The following ARL13A variants were observed in gnomAD, a reference collection of about 807,000 sequenced individuals.
ARL13A encodes ARF like GTPase 13A.
Under a neutral mutation model 19.1 loss-of-function variants are expected in ARL13A, and 16 were observed. The ratio of observed to expected loss-of-function variants is 0.84; its 90% CI spans 0.57 to 1.27. The LOEUF is 1.27. ARL13A is among the 50% of genes most tolerant of loss of function. ARL13A has a pLI of 0.00. For synonymous variants in ARL13A, 69 were observed against 71.3 expected (o/e 0.97, Z 0.17); for missense variants, 153 against 186.4 (o/e 0.82, Z 1.04).
At chrX:100,983,900 T>G in intron 3 of ARL13A, among the ~76,000 whole-genome samples, 2 of 111,464 alleles carry the variant, frequency 1.8e-5, no homozygotes, top group Middle Eastern at 4.7e-3. Flanking sequence ...ATGACTCATT[T>G]TAGCAATGCT....
intron 3 of ARL13A, among the ~76,000 whole-genome samples, chrX:100,979,440 A>G (rs1488748903): frequency 8.9e-6 from 1 of 112,038 alleles, no homozygotes; most frequent in Non-Finnish European, 1.9e-5. Flanking sequence ...ATATACTTTA[A>G]GTATATCATG....
At chrX:100,986,499 T>C (rs952908392) in intron 4 of ARL13A, among the ~76,000 whole-genome samples, 7 of 112,081 alleles carry the variant, frequency 6.2e-5, no homozygotes, top group Non-Finnish European at 1.1e-4. Flanking sequence ...AATATGTTCA[T>C]AGCCCAGTTA....
At position 100,986,793 on chromosome X, in the gene ARL13A, T is replaced by C. The variant is rs142731828; in HGVS notation, c.381-3T>C. The C allele has an allele frequency of 1.0e-3, 1,228 of 1,179,091 alleles. 8 individuals carry two copies. The African/African-American group carries it at 0.019, about 18-fold the overall frequency. ...TTCCTCCCTCTCTCATATGCTGTTT[T>C]AGTTTAGCAAACAAACAAGACAAGA... is the stretch of plus-strand genomic sequence containing the variant. On this transcript the variant is annotated splice_polypyrimidine_tract_variant and splice_region_variant and intron_variant, in intron 4 of 7. Coordinates refer to ENST00000450049, the MANE Select transcript of ARL13A (RefSeq NM_001162491.2).
intron 1 of ARL13A, among the ~76,000 whole-genome samples, chrX:100,972,468 G>A (rs2085672308): frequency 1.0e-5 from 1 of 97,419 alleles, no homozygotes; most frequent in African/African-American, 3.8e-5. Context: ...CAGACGGGGC[G>A]GCTGGCCGGG....
intron 7 of ARL13A, 131 bp downstream of exon 7, chrX:100,988,414 T>C: frequency 1.7e-6 from 2 of 1,203,848 alleles, no homozygotes; most frequent in Non-Finnish European, 1.1e-6. Flanking sequence ...AAAGAATATG[T>C]CAGTAACATT....
At chrX:100,974,269 C>T (rs1326982781) in intron 3 of ARL13A, 72 bp downstream of exon 3, 2 of 842,271 alleles carry the variant, frequency 2.4e-6, no homozygotes, top group Admixed American at 2.7e-5. Context: ...AATAATCCTT[C>T]CTTCCTAGCA....
Position 100,990,677 on chromosome X carries a change from T to C in ARL13A, c.*89T>C. The C allele has an allele frequency of 1.1e-6, 1 of 950,529 alleles. No homozygotes were observed. The highest frequency in any genetic ancestry group is 2.2e-5 in the South Asian group (1 of 45,988). The allele number at this position is 950,529 out of a possible 1,213,427, so 78.3% of individuals were successfully genotyped here. On this transcript the variant is annotated 3_prime_UTR_variant, in exon 8 of 8. Transcript: ENST00000450049. The stretch of plus-strand genomic sequence containing the variant: ...GAGACTTTACATCTTTGTACCGAGA[T>C]GCTGCTGACAAAGCTTGTGGACAAT...
Position 100,974,210 on chromosome X carries a change from G to A in ARL13A, c.130+13G>A, listed in dbSNP as rs375398528. 1.7e-6 allele frequency: 2 copies of A among 1,157,170 alleles called. No individual in the cohort carries two copies. The highest frequency in any genetic ancestry group is 1.8e-5 in the African/African-American group (1 of 55,750). ...GCATTCCAAAAATGTAAGGAACTAA[G>A]AGCATTAGATACTGGCGTGGGTCTC... On this transcript the variant is annotated intron_variant, in intron 3 of 7. Transcript: ENST00000450049.
At chrX:100,979,427 T>C in intron 3 of ARL13A, among the ~76,000 whole-genome samples, 1 of 112,246 alleles carries the variant, frequency 8.9e-6, no homozygotes, top group East Asian at 2.8e-4. Context: ...GTTTTTTTCC[T>C]TGATATACTT....
At chrX:100,972,697 C>A in intron 1 of ARL13A, among the ~76,000 whole-genome samples, 1 of 13,642 alleles carries the variant, frequency 7.3e-5, no homozygotes, top group Non-Finnish European at 1.4e-4. Context: ...CCGGACGGGG[C>A]GGCTGGCCGG....
chrX:100,982,939 T>C (rs1036641576), intron 3 of ARL13A, among the ~76,000 whole-genome samples: 2 of 110,707 alleles, frequency 1.8e-5, no homozygotes, highest in African/African-American at 6.6e-5. Flanking sequence ...TTGTTAACCA[T>C]AGGGAGTTCA....
chrX:100,970,558 A>G (rs148010583), intron 1 of ARL13A, among the ~76,000 whole-genome samples: 573 of 111,708 alleles, frequency 5.1e-3, no homozygotes, highest in Non-Finnish European at 7.7e-3. Context: ...CCCTCAGTAA[A>G]CTCGGGGGAA....
chrX:100,990,061 C>A (rs2085998080), intron 7 of ARL13A, among the ~76,000 whole-genome samples: 1 of 112,675 alleles, frequency 8.9e-6, no homozygotes, highest in African/African-American at 3.2e-5. Context: ...GAATGGATAC[C>A]TGGGACACAG....
chrX:100,971,591 T>A (rs1252125589), intron 1 of ARL13A, among the ~76,000 whole-genome samples: 3 of 91,024 alleles, frequency 3.3e-5, no homozygotes, highest in South Asian at 4.8e-4. Flanking sequence ...TTTTTTTTTT[T>A]AAATGAAATT....
intron 6 of ARL13A, 51 bp downstream of exon 6, chrX:100,987,607 A>G (rs1022692113): frequency 1.5e-5 from 18 of 1,170,490 alleles, no homozygotes; most frequent in Non-Finnish European, 2.1e-5. Flanking sequence ...TGCAGGGATC[A>G]GTCTTTCTCA....
intron 3 of ARL13A, among the ~76,000 whole-genome samples, chrX:100,982,380 T>C (rs1471328768): frequency 9.1e-6 from 1 of 110,488 alleles, no homozygotes; most frequent in African/African-American, 3.3e-5. Context: ...TAATCTCAGC[T>C]ACGCAGCAGG....
chrX:100,983,903 G>A (rs1268326854), intron 3 of ARL13A, among the ~76,000 whole-genome samples: 1 of 110,732 alleles, frequency 9.0e-6, no homozygotes, highest in African/African-American at 3.3e-5. Flanking sequence ...ACTCATTTTA[G>A]CAATGCTATG....
chrX:100,974,311 G>A, intron 3 of ARL13A, 114 bp downstream of exon 3: 2 of 540,346 alleles, frequency 3.7e-6, no homozygotes, highest in South Asian at 2.8e-5. Context: ...CCCTCTTTTT[G>A]TGCATAAACA....
At chrX:100,982,743 T>C (rs1341985351) in intron 3 of ARL13A, among the ~76,000 whole-genome samples, 5 of 106,459 alleles carry the variant, frequency 4.7e-5, no homozygotes, top group East Asian at 3.0e-4. Flanking sequence ...ACAGCCTCGA[T>C]TGACCAGGCT....
Sources: gnomAD v4.1 joint callset for allele counts (sites outside exome capture counted in the v4.1 genomes callset) on GRCh38, gnomAD v4.1.1 for gene constraint, MANE v1.5 for transcripts, NCBI Gene and HGNC (gene_info 2026-07-23, HGNC 2026-07-21) for gene names.